The following CHD7 variants were observed in gnomAD, a reference collection of about 807,000 sequenced individuals.
CHD7 encodes chromodomain helicase DNA binding protein 7, also known as ATP-dependent chromatin remodeler CHD7.
Under a neutral mutation model 307.3 loss-of-function variants are expected in CHD7, and 24 were observed. That is an observed-to-expected ratio of 0.08 (90% CI 0.06 to 0.11). CHD7 has a LOEUF of 0.11. Among genes scored for constraint, CHD7 ranks in the 10% least tolerant of loss-of-function variants. The pLI is 1.00. For missense variants in CHD7, 3,106 were observed against 3,727.1 expected (o/e 0.83, Z 4.34); for synonymous variants, 1,363 against 1,349.9 (o/e 1.01, Z -0.21).
chr8:60,681,596 CTTGAGCAGCAAA>C (rs1397941702), intron 1 of CHD7, among the ~76,000 whole-genome samples: 4 of 152,188 alleles, frequency 2.6e-5, no homozygotes, highest in African/African-American at 9.7e-5. Context: ...TGGGTAAAGG[CTTGAGCAGCAAA>C]TTTTAGAAGC....
At chr8:60,732,346 C>A (rs112464460) in intron 1 of CHD7, among the ~76,000 whole-genome samples, 4 of 152,354 alleles carry the variant, frequency 2.6e-5, no homozygotes, top group African/African-American at 9.6e-5. Context: ...ACGCTTCTTA[C>A]AAGAGCAGCT....
At chr8:60,749,840 C>T (rs1027086140) in intron 2 of CHD7, among the ~76,000 whole-genome samples, 1 of 152,214 alleles carries the variant, frequency 6.6e-6, no homozygotes, top group East Asian at 1.9e-4. Flanking sequence ...TTTCCTGGGC[C>T]ATAGGTTGCT....
rs188679907 is a variant in CHD7 at position 60,836,841 on chromosome 8, C to T, written c.4014C>T (p.Gly1338=). 87 of 1,613,752 alleles carry T rather than the reference C, an allele frequency of 5.4e-5. No individual in the cohort carries two copies. In the African/African-American group the frequency reaches 1.1e-3, roughly 20 times the overall value. ...GGTACCCATATGAAAGGATCGACGG[C>T]CGAGTAAGAGGCAACCTCCGCCAGG... ...QRRYPYERID[G]RVRGNLRQAA... Residue 1338 remains glycine (G), a synonymous_variant, in exon 17 of 38, where the codon GGC becomes GGT. Coordinates refer to ENST00000423902, the MANE Select transcript of CHD7 (RefSeq NM_017780.4).
intron 2 of CHD7, among the ~76,000 whole-genome samples, chr8:60,774,541 G>A (rs1439559843): frequency 1.3e-5 from 2 of 152,330 alleles, no homozygotes; most frequent in Non-Finnish European, 2.9e-5. Flanking sequence ...CAGCAGCGTG[G>A]CTCTGTGCTT....
rs529761882 is a variant in CHD7, at chr8:60,765,224, C to G, written c.1666-15776C>G. ...ATGCATACACACACACACACACACA[C>G]ACACACGCACACGCATGCATGCACA... On this transcript the variant is annotated intron_variant, in intron 2 of 37. Coordinates refer to ENST00000423902, the MANE Select transcript of CHD7 (RefSeq NM_017780.4). 2.6e-5 allele frequency among the ~76,000 whole-genome samples: 4 copies of G among 151,434 alleles called. No homozygotes were observed. In the South Asian group the frequency reaches 6.3e-4, roughly 24 times the overall value.
At chr8:60,821,715 T>A (rs1804049889) in intron 9 of CHD7, 75 bp from the exon 10 acceptor site, 2 of 1,263,776 alleles carry the variant, frequency 1.6e-6, no homozygotes, top group Non-Finnish European at 1.1e-6. Flanking sequence ...TATAAACATA[T>A]ATATACACAT....
intron 1 of CHD7, among the ~76,000 whole-genome samples, chr8:60,697,317 A>G (rs986066166): frequency 2.6e-5 from 4 of 152,242 alleles, no homozygotes; most frequent in African/African-American, 7.2e-5. Flanking sequence ...CTTTCAGGCT[A>G]TATTTTCTTC....
At position 60,750,573 on chromosome 8, in the gene CHD7, A is replaced by G. The variant is rs534596865; in HGVS notation, c.1665+7476A>G. Among the ~76,000 whole-genome samples, 23 of 152,388 alleles carry G rather than the reference A, an allele frequency of 1.5e-4. No individual in the cohort carries two copies. In the South Asian group the frequency reaches 3.5e-3, roughly 23 times the overall value. ...ACATTTTACCATTAAAGAAACTGGTAAAACTAATTTTAGTAATACATTTAA... is the reference window on the plus strand; with the variant it reads ...ACATTTTACCATTAAAGAAACTGGTGAAACTAATTTTAGTAATACATTTAA... On this transcript the variant is annotated intron_variant, in intron 2 of 37. Coordinates refer to ENST00000423902, the MANE Select transcript of CHD7 (RefSeq NM_017780.4).
At chr8:60,800,014 G>A (rs1205146000) in intron 4 of CHD7, among the ~76,000 whole-genome samples, 2 of 151,572 alleles carry the variant, frequency 1.3e-5, no homozygotes, top group Non-Finnish European at 2.9e-5. Context: ...TCCACTCTGC[G>A]CCATTATAAA....
chr8:60,811,820 TC>T (rs1386447809), intron 7 of CHD7, among the ~76,000 whole-genome samples: 1 of 152,232 alleles, frequency 6.6e-6, no homozygotes, highest in East Asian at 1.9e-4. Flanking sequence ...AACACCTGTT[TC>T]CCCACAACCT....
intron 15 of CHD7, among the ~76,000 whole-genome samples, chr8:60,832,228 TTGCCCAGGC>T (rs2074694726): frequency 6.6e-6 from 1 of 152,180 alleles, no homozygotes; most frequent in South Asian, 2.1e-4. Flanking sequence ...TTTCTCCATG[TTGCCCAGGC>T]TGGTATCGAA....
Position 60,742,808 on chromosome 8 carries a change from G to A in CHD7, c.1376G>A (p.Arg459His), listed in dbSNP as rs563490827. 9.3e-6 allele frequency: 15 copies of A among 1,613,938 alleles called. No homozygotes were observed. The highest frequency in any genetic ancestry group is 4.5e-5 in the East Asian group (2 of 44,886). ...NMGPRNMQQS[R>H]PFIGMSSAPR... is the part of the protein sequence containing the mutation. ...GGCCCCAGAAACATGCAGCAGTCTC[G>A]TCCATTTATAGGCATGTCCTCGGCA... Residue 459 changes from arginine to histidine, a missense_variant, in exon 2 of 38, where the codon CGT (arginine) becomes CAT (histidine). This residue lies in a region of CHD7 where 998 missense variants were observed against 1,004.5 expected (regional missense o/e 0.99). Transcript: ENST00000423902.
At chr8:60,726,773 C>A (rs754421367) in intron 1 of CHD7, among the ~76,000 whole-genome samples, 4 of 152,158 alleles carry the variant, frequency 2.6e-5, no homozygotes, top group Non-Finnish European at 5.9e-5. Context: ...ACCACCACCC[C>A]CTGCATAACT....
chr8:60,684,357 T>C (rs1805776357), intron 1 of CHD7, among the ~76,000 whole-genome samples: 1 of 152,232 alleles, frequency 6.6e-6, no homozygotes, highest in Non-Finnish European at 1.5e-5. Context: ...GTTTTGCTCA[T>C]TGATTCGGCT....
intron 1 of CHD7, among the ~76,000 whole-genome samples, chr8:60,735,191 T>C (rs1326214042): frequency 2.0e-5 from 3 of 152,232 alleles, no homozygotes; most frequent in African/African-American, 7.2e-5. Flanking sequence ...ATTTTTTAAA[T>C]GAATGATGAC....
Position 60,865,498 on chromosome 8 carries a change from G to C in CHD7, c.8559G>C (p.Glu2853Asp). ...GEEKGNENED[E>D]NKDSEKSTDA... ...AGAAAGGAAATGAGAATGAAGACGA[G>C]AACAAAGACTCTGAGAAAAGCACAG... The change falls in exon 38 of 38, where the codon GAG (glutamate) becomes GAC (aspartate). Residue 2853 changes from glutamate to aspartate, a missense_variant. Physicochemically the swap from Glu to Asp is conservative, Grantham distance 45. This residue lies in a region of CHD7 where 351 missense variants were observed against 366.2 expected (regional missense o/e 0.96). Transcript: ENST00000423902. This position sits in a 1 kb window ranked among gnomAD's most constrained non-coding sequence, Gnocchi z 4.3. The C allele has an allele frequency of 6.2e-7, 1 of 1,614,076 alleles. No homozygotes were observed. Among genetic ancestry groups the C allele is most frequent in the Admixed American group, 1.7e-5 (1 of 60,032 alleles).
intron 6 of CHD7, among the ~76,000 whole-genome samples, chr8:60,806,199 A>G (rs559829353): frequency 6.6e-6 from 1 of 152,256 alleles, no homozygotes; most frequent in Non-Finnish European, 1.5e-5. Flanking sequence ...CGTCTCTACT[A>G]AAAATACAAA....
At chr8:60,782,454 T>A (rs1000161343) in intron 3 of CHD7, among the ~76,000 whole-genome samples, 1 of 152,244 alleles carries the variant, frequency 6.6e-6, no homozygotes, top group Non-Finnish European at 1.5e-5. Flanking sequence ...AAACTTGGAC[T>A]TGCAACTTCC....
intron 2 of CHD7, among the ~76,000 whole-genome samples, chr8:60,753,271 C>T (rs1322451290): frequency 6.6e-6 from 1 of 152,124 alleles, no homozygotes; most frequent in Non-Finnish European, 1.5e-5. Flanking sequence ...AGGGAGTAGT[C>T]ATCTTCATAC....
Sources: gnomAD v4.1 joint callset for allele counts (sites outside exome capture counted in the v4.1 genomes callset) on GRCh38, gnomAD v4.1.1 for gene constraint, gnomAD v4.1.1 regional missense constraint, Gnocchi (gnomAD v3.1) non-coding constraint, MANE v1.5 for transcripts, NCBI Gene and HGNC (gene_info 2026-07-23, HGNC 2026-07-21) for gene names.